SAE1: variants seen among roughly 807,000 people sequenced by gnomAD.
SAE1 encodes the protein SUMO1 activating enzyme subunit 1.
A neutral mutation model predicts 40.6 loss-of-function variants in SAE1; 11 were observed. The ratio of observed to expected loss-of-function variants is 0.27; its 90% confidence interval spans 0.17 to 0.45. The LOEUF (loss-of-function observed/expected upper bound fraction) is 0.45. Among genes scored for constraint, SAE1 ranks in the 20% least tolerant of loss-of-function variants. The pLI, the probability that SAE1 is intolerant of heterozygous loss-of-function variation, is 1.00. For synonymous variants in SAE1, 155 were observed against 154.3 expected (o/e 1.00, Z -0.03); for missense variants, 373 against 427.3 (o/e 0.87, Z 1.12).
intron 7 of SAE1, among the ~76,000 whole-genome samples, chr19:47,201,529 G>A (rs1256936784): frequency 4.7e-5 from 7 of 149,276 alleles, no homozygotes; most frequent in South Asian, 4.2e-4. Context: ...GTGCCACCAC[G>A]CCCAGCTAAT....
At chr19:47,193,527 TAAAG>T (rs1294331862) in intron 6 of SAE1, among the ~76,000 whole-genome samples, 1 of 151,414 alleles carries the variant, frequency 6.6e-6, no homozygotes, top group African/African-American at 2.4e-5. Context: ...TTTTTTTTTT[TAAAG>T]AAATTACCAG....
intron 8 of SAE1, among the ~76,000 whole-genome samples, chr19:47,208,505 A>G (rs1160996057): frequency 6.6e-6 from 1 of 151,882 alleles, no homozygotes; most frequent in East Asian, 1.9e-4. Context: ...CGGTGGCGCA[A>G]TCTCAGTTTA....
chr19:47,139,941 T>C (rs2058208988), intron 1 of SAE1, among the ~76,000 whole-genome samples: 1 of 143,236 alleles, frequency 7.0e-6, no homozygotes, highest in African/African-American at 2.5e-5. Flanking sequence ...TATTTCTTTT[T>C]TTTTTTTTTT....
intron 6 of SAE1, among the ~76,000 whole-genome samples, chr19:47,187,470 T>C (rs2058550987): frequency 6.6e-6 from 1 of 152,208 alleles, no homozygotes; most frequent in African/African-American, 2.4e-5. Flanking sequence ...TTGAACACTT[T>C]TCAATTCAGT....
At chr19:47,168,036 T>C (rs1383935550) in intron 5 of SAE1, among the ~76,000 whole-genome samples, 2 of 151,930 alleles carry the variant, frequency 1.3e-5, no homozygotes, top group Non-Finnish European at 2.9e-5. Flanking sequence ...CTACTAAAAA[T>C]ACAAAAATTA....
chr19:47,134,408 TG>T (rs970110627), intron 1 of SAE1, among the ~76,000 whole-genome samples: 1 of 147,632 alleles, frequency 6.8e-6, no homozygotes, highest in Non-Finnish European at 1.5e-5. Context: ...TTTGATGGGG[TG>T]GGGGGATGTC....
intron 6 of SAE1, among the ~76,000 whole-genome samples, chr19:47,188,409 T>C (rs1313399353): frequency 6.6e-6 from 1 of 151,298 alleles, no homozygotes; most frequent in East Asian, 1.9e-4. Flanking sequence ...GGGAAAAAAC[T>C]GTGCTGGGAG....
At chr19:47,183,294 C>G (rs1351225073) in intron 6 of SAE1, among the ~76,000 whole-genome samples, 35 of 151,850 alleles carry the variant, frequency 2.3e-4, no homozygotes, top group Admixed American at 2.2e-3. Context: ...GTCCTGTTTT[C>G]ACATGAGGAA....
At chr19:47,173,853 C>G (rs891357450) in intron 6 of SAE1, among the ~76,000 whole-genome samples, 5 of 150,498 alleles carry the variant, frequency 3.3e-5, no homozygotes, top group African/African-American at 1.2e-4. Flanking sequence ...GGTGCAATCT[C>G]AGCTCACTGC....
intron 6 of SAE1, among the ~76,000 whole-genome samples, chr19:47,190,932 C>G (rs1159753132): frequency 6.6e-6 from 1 of 152,162 alleles, no homozygotes; most frequent in Non-Finnish European, 1.5e-5. Flanking sequence ...TGGCAAAGAA[C>G]CAGACCACTT....
chr19:47,143,633 C>T (rs776596780), intron 2 of SAE1, 28 bp downstream of exon 2: 1 of 1,506,134 alleles, frequency 6.6e-7, no homozygotes, highest in Admixed American at 1.7e-5. Flanking sequence ...CATTCCTCCC[C>T]TGCTCTGGCT....
Position 47,169,676 on chromosome 19 carries a change from T to C in SAE1, c.628-142T>C. 7.5e-6 allele frequency: 5 copies of C among 670,630 alleles called. 1 individual carries two copies. In the South Asian group the frequency reaches 8.5e-5, roughly 11 times the overall value. 41.5% of individuals were successfully genotyped at this position (670,630 alleles called of 1,614,324 possible). ...ACACAGTGAGTGTTCAATAAGCATT[T>C]CTTGGATCAAATGGCCCCTGCTTCT... On this transcript the variant is annotated intron_variant, in intron 5 of 8. Coordinates refer to ENST00000270225, the MANE Select transcript of SAE1 (RefSeq NM_005500.3).
chr19:47,186,674 G>A (rs934768379), intron 6 of SAE1, among the ~76,000 whole-genome samples: 2 of 152,122 alleles, frequency 1.3e-5, no homozygotes, highest in African/African-American at 4.8e-5. Flanking sequence ...CGGCGCCTCG[G>A]AACCTCTTCA....
intron 6 of SAE1, among the ~76,000 whole-genome samples, chr19:47,183,642 C>T (rs574515098): frequency 2.0e-5 from 3 of 152,276 alleles, no homozygotes; most frequent in South Asian, 2.1e-4. Flanking sequence ...TCCCCCACTC[C>T]CCCACCCACT....
chr19:47,200,359 C>G (rs1023410816), intron 7 of SAE1, among the ~76,000 whole-genome samples: 2 of 148,030 alleles, frequency 1.4e-5, no homozygotes, highest in African/African-American at 2.5e-5. Flanking sequence ...CGGCCTCTTG[C>G]GTAGCTGGGA....
chr19:47,143,989 C>T (rs1400721746), intron 2 of SAE1, among the ~76,000 whole-genome samples: 1 of 152,174 alleles, frequency 6.6e-6, no homozygotes, highest in African/African-American at 2.4e-5. Flanking sequence ...GCTTTCACCC[C>T]TAGTGATTCT....
chr19:47,167,441 C>T (rs896018934), intron 5 of SAE1, among the ~76,000 whole-genome samples: 1 of 150,848 alleles, frequency 6.6e-6, no homozygotes, highest in African/African-American at 2.4e-5. Flanking sequence ...GGAGTTTCGC[C>T]ATGTTAGCCA....
chr19:47,169,741 C>A, intron 5 of SAE1, 77 bp from the exon 6 acceptor site: 1 of 933,014 alleles, frequency 1.1e-6, no homozygotes, highest in Non-Finnish European at 1.7e-6. Context: ...GATTTTTCTG[C>A]AATAGAGAAG....
At chr19:47,146,756 C>CCA (rs1303941487) in intron 2 of SAE1, among the ~76,000 whole-genome samples, 1 of 152,158 alleles carries the variant, frequency 6.6e-6, no homozygotes, top group Non-Finnish European at 1.5e-5. Context: ...ATGTTCTCAG[C>CCA]CACCTCACTA....
Sources: gnomAD v4.1 joint callset for allele counts (sites outside exome capture counted in the v4.1 genomes callset) on GRCh38, gnomAD v4.1.1 for gene constraint, MANE v1.5 for transcripts, NCBI Gene and HGNC (gene_info 2026-07-23, HGNC 2026-07-21) for gene names.